The following NFKB1 variants were observed in gnomAD, a reference collection of about 807,000 sequenced individuals.
NFKB1 encodes nuclear factor NF-kappa-B p105 subunit.
In NFKB1, 9 loss-of-function variants were observed where a neutral mutation model predicts 105.1. That is an observed-to-expected ratio of 0.09 (90% CI 0.05 to 0.15). NFKB1 has a LOEUF of 0.15. Ranked by LOEUF, NFKB1 falls within the 10% of genes least tolerant of loss-of-function variation. The pLI, the probability that NFKB1 is intolerant of heterozygous loss-of-function variation, is 1.00. For missense variants in NFKB1, 830 were observed against 1,203.7 expected (o/e 0.69, Z 4.59); for synonymous variants, 440 against 442.2 (o/e 1.00, Z 0.06).
intron 2 of NFKB1, among the ~76,000 whole-genome samples, chr4:102,529,256 G>A (rs1048965742): frequency 2.0e-5 from 3 of 152,102 alleles, no homozygotes; most frequent in African/African-American, 7.2e-5. Flanking sequence ...GGAAACTGAA[G>A]GTAAAAGAAA....
At position 102,561,726 on chromosome 4, in the gene NFKB1, C is replaced by T. The variant is rs377541395; in HGVS notation, c.259-5261C>T. Among the ~76,000 whole-genome samples, 6 of 152,148 alleles carry T rather than the reference C, an allele frequency of 3.9e-5. No individual in the cohort carries two copies. In the South Asian group the frequency reaches 6.2e-4, roughly 16 times the overall value. On this transcript the variant is annotated intron_variant, in intron 5 of 23. Transcript: ENST00000226574. Reference sequence around the variant, plus strand: ...CCTCCAGCTGTGAAATGGGGTACAACCTCTGACCCCACAGGGCTGTTGTGG... The same window carrying T: ...CCTCCAGCTGTGAAATGGGGTACAATCTCTGACCCCACAGGGCTGTTGTGG...
At chr4:102,568,605 C>A (rs1379006285) in intron 6 of NFKB1, among the ~76,000 whole-genome samples, 1 of 151,946 alleles carries the variant, frequency 6.6e-6, no homozygotes, top group Non-Finnish European at 1.5e-5. Context: ...ATAATCATAT[C>A]CTTTAGAGGA....
chr4:102,596,373 G>C (rs372529487), intron 14 of NFKB1, 41 bp downstream of exon 14: 2 of 1,543,938 alleles, frequency 1.3e-6, no homozygotes, highest in South Asian at 2.4e-5. Context: ...GTTGGCTGGG[G>C]AGGGGTCAGT....
chr4:102,503,000 G>A (rs1274212063), intron 1 of NFKB1, among the ~76,000 whole-genome samples: 1 of 152,070 alleles, frequency 6.6e-6, no homozygotes, highest in East Asian at 1.9e-4. Context: ...AACTGCATTC[G>A]TGTTTGTTAA....
intron 9 of NFKB1, among the ~76,000 whole-genome samples, chr4:102,581,981 G>A (rs964055453): frequency 2.0e-5 from 3 of 152,176 alleles, no homozygotes; most frequent in Non-Finnish European, 4.4e-5. Flanking sequence ...TTTGAACAAA[G>A]TCAATAGTGT....
At chr4:102,537,171 A>G (rs190328548) in intron 4 of NFKB1, among the ~76,000 whole-genome samples, 2 of 152,320 alleles carry the variant, frequency 1.3e-5, no homozygotes, top group African/African-American at 4.8e-5. Flanking sequence ...AGCTAACTTC[A>G]TTAATTAACT....
At chr4:102,591,089 A>C (rs998177071) in intron 11 of NFKB1, among the ~76,000 whole-genome samples, 1 of 152,210 alleles carries the variant, frequency 6.6e-6, no homozygotes, top group Non-Finnish European at 1.5e-5. Flanking sequence ...CCATCTCGAT[A>C]ACGTAAAAGT....
intron 14 of NFKB1, among the ~76,000 whole-genome samples, chr4:102,597,011 A>C (rs1726671520): frequency 6.6e-6 from 1 of 152,196 alleles, no homozygotes; most frequent in African/African-American, 2.4e-5. Context: ...TTTGGCCCAA[A>C]GGTCACAAAT....
At chr4:102,564,165 G>GA (rs1723665628) in intron 5 of NFKB1, among the ~76,000 whole-genome samples, 1 of 152,062 alleles carries the variant, frequency 6.6e-6, no homozygotes, top group Non-Finnish European at 1.5e-5. Context: ...CAGACGCTTT[G>GA]AAAAAAACCT....
intron 1 of NFKB1, among the ~76,000 whole-genome samples, chr4:102,520,929 T>C (rs1740532127): frequency 6.6e-6 from 1 of 152,206 alleles, no homozygotes; most frequent in African/African-American, 2.4e-5. Context: ...TCCTTTTTCC[T>C]ATTTAAATAT....
chr4:102,526,451 A>G (rs1256509320), intron 2 of NFKB1, among the ~76,000 whole-genome samples: 1 of 152,160 alleles, frequency 6.6e-6, no homozygotes, highest in Non-Finnish European at 1.5e-5. Flanking sequence ...TTTGACTACT[A>G]TACAATCTAT....
chr4:102,611,957 C>T (rs1354045817), intron 20 of NFKB1, 87 bp from the exon 21 acceptor site: 2 of 1,018,224 alleles, frequency 2.0e-6, no homozygotes, highest in African/African-American at 1.6e-5. Flanking sequence ...CTAAGGAGGA[C>T]ATGCTGAGTT....
intron 5 of NFKB1, among the ~76,000 whole-genome samples, chr4:102,551,048 C>T (rs1269694510): frequency 6.6e-6 from 1 of 152,178 alleles, no homozygotes; most frequent in African/African-American, 2.4e-5. Flanking sequence ...ATTTAAAGTA[C>T]GTTCTGAATT....
intron 1 of NFKB1, among the ~76,000 whole-genome samples, chr4:102,513,612 T>C (rs969980353): frequency 1.3e-5 from 2 of 152,194 alleles, no homozygotes; most frequent in African/African-American, 4.8e-5. Context: ...ATAATTTAGA[T>C]GCTTCTTTCA....
chr4:102,579,059 CAG>C lies in NFKB1; in HGVS notation c.730+21_730+22del, dbSNP rs1491138993. On this transcript the variant is annotated intron_variant, in intron 8 of 23. Transcript: ENST00000226574. ...ACAGTAGTGAGTACTTCACTTCCAACAGGGGGCACACCAAGAATAGACTTCCA... is the reference window on the plus strand; with the variant it reads ...ACAGTAGTGAGTACTTCACTTCCAACGGGGCACACCAAGAATAGACTTCCA... 5.6e-6 allele frequency: 9 copies of C among 1,605,954 alleles called. No homozygotes were observed. The highest frequency in any genetic ancestry group is 3.3e-5 in the Admixed American group (2 of 59,744).
rs1309700083 is a variant in NFKB1, at chr4:102,567,122, G to A, written c.394G>A (p.Asp132Asn). 1 of 1,613,608 alleles carries A rather than the reference G, an allele frequency of 6.2e-7. No homozygotes were observed. Among genetic ancestry groups the A allele is most frequent in the Non-Finnish European group, 8.5e-7 (1 of 1,179,686 alleles). Residue 132 changes from aspartate (D) to asparagine (N), a missense_variant, in exon 6 of 24, where the codon GAC (aspartate) becomes AAC (asparagine). Asp to Asn is a conservative substitution (Grantham distance 23, BLOSUM62 1). This residue lies in a region of NFKB1 where 64 missense variants were observed against 79.9 expected (regional missense o/e 0.80). Transcript: ENST00000226574. ...CTGCACTGTAACTGCTGGACCCAAG[G>A]ACATGGTGGTCGGGTAAGTAGGGGT... ...GICTVTAGPKDMVVGFANLGI... is the reference protein window; with the variant it reads ...GICTVTAGPKNMVVGFANLGI...
rs764399130 is a variant in NFKB1, at chr4:102,566,997, A to T, written c.269A>T (p.Tyr90Phe). 7.4e-6 allele frequency: 12 copies of T among 1,613,942 alleles called. No individual in the cohort carries two copies. The highest frequency in any genetic ancestry group is 1.1e-5 in the South Asian group (1 of 91,084). ...GTGCTTCTTATATAGATCTGCAACT[A>T]TGTGGGACCAGCAAAGGTTATTGTT... ...KSYPQVKICN[Y>F]VGPAKVIVQL... Residue 90 changes from tyrosine to phenylalanine, a missense_variant, in exon 6 of 24, where the codon TAT becomes TTT. By Grantham distance (22) the Tyr-to-Phe change is conservative. This residue lies in a region of NFKB1 where 64 missense variants were observed against 79.9 expected (regional missense o/e 0.80). Coordinates refer to ENST00000226574, the MANE Select transcript of NFKB1 (RefSeq NM_003998.4).
intron 5 of NFKB1, among the ~76,000 whole-genome samples, chr4:102,550,014 C>A (rs1303651627): frequency 6.6e-6 from 1 of 151,940 alleles, no homozygotes; most frequent in East Asian, 1.9e-4. Flanking sequence ...TGTGATTTTT[C>A]TATTTCTATC....
chr4:102,570,246 T>C (rs1724218270), intron 6 of NFKB1, among the ~76,000 whole-genome samples: 1 of 152,166 alleles, frequency 6.6e-6, no homozygotes. Context: ...CAGTGTCTGT[T>C]GTTCCCCTTT....
Sources: gnomAD v4.1 joint callset for allele counts (sites outside exome capture counted in the v4.1 genomes callset) on GRCh38, gnomAD v4.1.1 for gene constraint, gnomAD v4.1.1 regional missense constraint, MANE v1.5 for transcripts, NCBI Gene and HGNC (gene_info 2026-07-23, HGNC 2026-07-21) for gene names.